Variants in TAF4 observed in about 807,000 individuals in gnomAD.
TAF4 encodes TATA-box binding protein associated factor 4.
A neutral mutation model predicts 90.3 loss-of-function variants in TAF4; 9 were observed. The observed-to-expected ratio is 0.10, with a 90% CI of 0.06 to 0.17. TAF4 has a LOEUF of 0.17. Among genes scored for constraint, TAF4 ranks in the 10% least tolerant of loss-of-function variants. The probability of loss-of-function intolerance (pLI) is 1.00; values close to 1 mark genes in which losing one functional copy is unlikely to be tolerated. For missense variants in TAF4, 1,351 were observed against 1,370.7 expected, an observed-to-expected ratio of 0.99 and a Z score of 0.23; for synonymous variants, 818 against 638.9, an observed-to-expected ratio of 1.28 and a Z score of -4.23.
intron 1 of TAF4, among the ~76,000 whole-genome samples, chr20:62,032,793 C>T (rs1346979501): frequency 2.0e-5 from 3 of 152,148 alleles, no homozygotes; most frequent in East Asian, 1.9e-4. Flanking sequence ...TCTGAGCAGC[C>T]GGTGGCCAAC....
chr20:62,035,539 A>T (rs2055927481), intron 1 of TAF4, among the ~76,000 whole-genome samples: 1 of 152,122 alleles, frequency 6.6e-6, no homozygotes, highest in Non-Finnish European at 1.5e-5. Context: ...GCTCTAACTC[A>T]CACCACACAC....
intron 1 of TAF4, among the ~76,000 whole-genome samples, chr20:62,043,939 G>A (rs2055978453): frequency 6.6e-6 from 1 of 152,186 alleles, no homozygotes; most frequent in South Asian, 2.1e-4. Context: ...AGGCTGGACG[G>A]GAAGACACAG....
Position 62,064,452 on chromosome 20 carries a change from T to A in TAF4, c.1359A>T (p.Pro453=), listed in dbSNP as rs752164399. The change falls in exon 1 of 15, where the codon CCA becomes CCT. Residue 453 remains proline, a splice_region_variant and synonymous_variant. Coordinates refer to ENST00000252996, the MANE Select transcript of TAF4 (RefSeq NM_003185.4). ...CTCCCGCCCCGTGCGGCCACTCACC[T>A]GGGGGCAGCTGGAAGTTCTGGATGT... is the stretch of plus-strand genomic sequence containing the variant. ...PTNIQNFQLP[P]GMVLVRSENG... is the part of the protein sequence containing the mutation. The A allele has an allele frequency of 1.4e-6, 2 of 1,430,808 alleles. No homozygotes were observed. Among genetic ancestry groups the A allele is most frequent in the Non-Finnish European group, 1.8e-6 (2 of 1,085,268 alleles). The allele number at this position is 1,430,808 out of a possible 1,614,324, so 88.6% of individuals were successfully genotyped here. A position where few individuals can be genotyped will look rare whatever the true frequency, so the allele number is the denominator to read the frequency against.
chr20:62,012,680 G>A (rs2055785982), intron 3 of TAF4, 135 bp downstream of exon 3: 1 of 1,236,380 alleles, frequency 8.1e-7, no homozygotes, highest in Non-Finnish European at 1.1e-6. Context: ...TCTTCACAGA[G>A]AACCTTCCTC....
At position 62,006,057 on chromosome 20, in the gene TAF4, C is replaced by T. The variant is rs182742125; in HGVS notation, c.2223+453G>A. On this transcript the variant is annotated intron_variant, in intron 7 of 14. Transcript: ENST00000252996. The surrounding 1 kb of genome is among the most constrained non-coding windows in gnomAD (Gnocchi z 7.0). ...ACATAAGTGAACCGCTATGAGCAGC[C>T]GCGGCTTCGCCTCCCGGGACTCACC... 1.7e-3 allele frequency: 271 copies of T among 156,748 alleles called. 1 individual carries two copies. Among genetic ancestry groups the T allele is most frequent in the African/African-American group, 6.3e-3 (261 of 41,748 alleles). The allele number at this position is 156,748 out of a possible 1,614,324, so 9.7% of individuals were successfully genotyped here.
intron 1 of TAF4, among the ~76,000 whole-genome samples, chr20:62,046,933 G>T (rs140176056): frequency 3.3e-5 from 5 of 152,160 alleles, no homozygotes; most frequent in Admixed American, 6.5e-5. Context: ...TTATTTAGTC[G>T]TGAGAGTTCT....
intron 14 of TAF4, among the ~76,000 whole-genome samples, chr20:61,984,445 G>A (rs759588428): frequency 1.3e-5 from 2 of 152,226 alleles, no homozygotes. Flanking sequence ...CGTACAAGGC[G>A]ACTCTTGATG....
rs977099171 is a variant in TAF4, at chr20:62,064,765, C to G, written c.1046G>C (p.Arg349Thr). 66 of 1,138,532 alleles carry G rather than the reference C, an allele frequency of 5.8e-5. No individual in the cohort carries two copies. In the African/African-American group the frequency reaches 9.2e-4, roughly 16 times the overall value. The allele number at this position is 1,138,532 out of a possible 1,614,324, so 70.5% of individuals were successfully genotyped here. Residue 349 changes from arginine (R) to threonine (T), a missense_variant, in exon 1 of 15, where the codon AGG becomes ACG. Coordinates refer to ENST00000252996, the MANE Select transcript of TAF4 (RefSeq NM_003185.4). Reference sequence around the variant, plus strand: ...CGCCGGGGGCGCCGCCTGCACCACCCTCTTGGGCGACTCGGCCTTGACCCC... The same window carrying G: ...CGCCGGGGGCGCCGCCTGCACCACCGTCTTGGGCGACTCGGCCTTGACCCC... Reference protein sequence around the residue: ...APGVKAESPKRVVQAAPPAAQ... With the variant: ...APGVKAESPKTVVQAAPPAAQ...
At chr20:62,046,699 G>C (rs2055995329) in intron 1 of TAF4, among the ~76,000 whole-genome samples, 1 of 152,174 alleles carries the variant, frequency 6.6e-6, no homozygotes, top group Non-Finnish European at 1.5e-5. Context: ...TGTCAGCGTT[G>C]AGGGTCCCAG....
chr20:62,064,254 G>A (rs2056107799), intron 1 of TAF4, 197 bp downstream of exon 1: 6 of 511,186 alleles, frequency 1.2e-5, no homozygotes, highest in East Asian at 7.0e-5. Context: ...CGCAGGCTAT[G>A]CCGACTCCCT....
At chr20:62,031,424 A>G (rs1225391900) in intron 1 of TAF4, among the ~76,000 whole-genome samples, 1 of 152,198 alleles carries the variant, frequency 6.6e-6, no homozygotes, top group Non-Finnish European at 1.5e-5. Context: ...ATCTGCACAT[A>G]TTTAACTCCC....
intron 8 of TAF4, 100 bp downstream of exon 8, chr20:62,003,631 T>C (rs2055722471): frequency 7.2e-7 from 1 of 1,384,562 alleles, no homozygotes; most frequent in South Asian, 1.5e-5. Flanking sequence ...GCCAATTTTA[T>C]GTAAATGTAC....
Position 62,065,314 on chromosome 20 carries a change from A to G in TAF4, c.497T>C (p.Leu166Pro), listed in dbSNP as rs1600870663. The G allele has an allele frequency of 4.4e-6, 4 of 902,750 alleles. No homozygotes were observed. Among genetic ancestry groups the G allele is most frequent in the African/African-American group, 2.2e-5 (1 of 45,348 alleles). 55.9% of individuals were successfully genotyped at this position (902,750 alleles called of 1,614,324 possible). Reference protein sequence around the residue: ...GPAKPAGPAALAARAGPGPGP... With the variant: ...GPAKPAGPAAPAARAGPGPGP... ...GGGGCCGGGGCCGGCGCGGGCGGCC[A>G]GCGCGGCGGGGCCGGCGGGCTTGGC... is the stretch of plus-strand genomic sequence containing the variant. Residue 166 changes from leucine (L) to proline (P), a missense_variant, in exon 1 of 15, where the codon CTG becomes CCG. Coordinates refer to ENST00000252996, the MANE Select transcript of TAF4 (RefSeq NM_003185.4).
intron 1 of TAF4, 90 bp downstream of exon 1, chr20:62,064,361 C>T (rs6089636): frequency 2.4e-6 from 3 of 1,259,092 alleles, no homozygotes; most frequent in Non-Finnish European, 3.0e-6. Context: ...GACAGATGAC[C>T]TTAGCATTCC....
intron 1 of TAF4, among the ~76,000 whole-genome samples, chr20:62,053,326 CG>C (rs11324765): frequency 0.72 from 108,976 of 151,998 alleles, 39,188 homozygotes; most frequent in Middle Eastern, 0.81. Flanking sequence ...CATGAGGCCG[CG>C]GGAGCCGGAG....
chr20:62,062,703 G>A (rs1172847674), intron 1 of TAF4, among the ~76,000 whole-genome samples: 1 of 152,138 alleles, frequency 6.6e-6, no homozygotes, highest in Admixed American at 6.5e-5. Flanking sequence ...ATGGAAGTGA[G>A]TCCCAGGATC....
intron 1 of TAF4, among the ~76,000 whole-genome samples, chr20:62,053,086 G>A (rs575441560): frequency 6.6e-4 from 101 of 152,260 alleles, no homozygotes; most frequent in South Asian, 2.1e-3. Flanking sequence ...CCAAGGCACT[G>A]AGGAGATGCC....
At position 62,042,925 on chromosome 20, in the gene TAF4, G is replaced by A. The variant is rs61088748; in HGVS notation, c.1360+21526C>T. On this transcript the variant is annotated intron_variant, in intron 1 of 14. Coordinates refer to ENST00000252996, the MANE Select transcript of TAF4 (RefSeq NM_003185.4). The stretch of plus-strand genomic sequence containing the variant: ...CAGGGAGACGGGACTTGGAGGTGGA[G>A]GGCAGTGATGTGGATGATCCTGACT... Among the ~76,000 whole-genome samples the A allele has an allele frequency of 2.0e-5, 3 of 152,308 alleles. No homozygotes were observed. The East Asian group carries it at 5.8e-4, about 29-fold the overall frequency.
chr20:61,999,731 A>G (rs375092003), intron 11 of TAF4, among the ~76,000 whole-genome samples: 2 of 152,212 alleles, frequency 1.3e-5, no homozygotes, highest in African/African-American at 4.8e-5. Flanking sequence ...GGATCACTTG[A>G]GGCAAGGAGT....
Sources: gnomAD v4.1 joint callset for allele counts (sites outside exome capture counted in the v4.1 genomes callset) on GRCh38, gnomAD v4.1.1 for gene constraint, Gnocchi (gnomAD v3.1) non-coding constraint, MANE v1.5 for transcripts, NCBI Gene and HGNC (gene_info 2026-07-23, HGNC 2026-07-21) for gene names.